Variants in PCDHA2 observed in about 807,000 individuals in gnomAD.
PCDHA2 encodes protocadherin alpha 2.
Under a neutral mutation model 66.0 loss-of-function variants are expected in PCDHA2, and 58 were observed. That is an observed-to-expected ratio of 0.88 (90% CI 0.71 to 1.09). The LOEUF is 1.09. Ranked by LOEUF, PCDHA2 falls within the 50% of genes least tolerant of loss-of-function variation. PCDHA2 has a pLI of 0.00. For missense variants in PCDHA2, 1,267 were observed against 1,242.3 expected (o/e 1.02, Z -0.30); for synonymous variants, 634 against 554.0 (o/e 1.14, Z -2.03).
At chr5:140,797,575 C>T in intron 1 of PCDHA2, 1 of 638,884 alleles carries the variant, frequency 1.6e-6, no homozygotes. Context: ...GCACTTCCAT[C>T]ATTAAGTCAT....
intron 1 of PCDHA2, among the ~76,000 whole-genome samples, chr5:140,892,561 A>G (rs766284976): frequency 1.3e-5 from 2 of 152,156 alleles, no homozygotes; most frequent in Non-Finnish European, 2.9e-5. Context: ...GTCCTTGGAG[A>G]CTGTCAAAAG....
At chr5:140,863,452 G>A in intron 1 of PCDHA2, 4 of 561,032 alleles carry the variant, frequency 7.1e-6, no homozygotes, top group South Asian at 2.9e-5. Flanking sequence ...TCGCAGCAAA[G>A]GAGATTTTAC....
At chr5:140,983,062 G>A (rs575564004) in intron 3 of PCDHA2, among the ~76,000 whole-genome samples, 2 of 152,168 alleles carry the variant, frequency 1.3e-5, no homozygotes, top group South Asian at 4.2e-4. Context: ...TCGGAACCAA[G>A]GCATTGTTTT....
intron 1 of PCDHA2, chr5:140,966,616 G>A: frequency 1.3e-6 from 1 of 788,372 alleles, no homozygotes; most frequent in South Asian, 2.7e-5. Context: ...AGGGCCTACG[G>A]AGGGAGCGGC....
chr5:140,861,587 G>C, intron 1 of PCDHA2: 1 of 374,992 alleles, frequency 2.7e-6, no homozygotes, highest in South Asian at 2.4e-5. Flanking sequence ...TCCATGTGGA[G>C]GTGAAAGTGA....
intron 1 of PCDHA2, among the ~76,000 whole-genome samples, chr5:140,844,486 G>T (rs1279388855): frequency 6.7e-6 from 1 of 148,992 alleles, no homozygotes; most frequent in Non-Finnish European, 1.5e-5. Context: ...CTATGTTTAG[G>T]AAATGATTAC....
intron 1 of PCDHA2, chr5:140,869,738 T>C (rs1454972321): frequency 1.2e-6 from 2 of 1,613,348 alleles, no homozygotes; most frequent in Non-Finnish European, 8.5e-7. Flanking sequence ...AATTTGCTGC[T>C]AACAGCTACA....
intron 1 of PCDHA2, chr5:140,842,742 T>C: frequency 6.3e-7 from 1 of 1,594,970 alleles, no homozygotes; most frequent in Non-Finnish European, 8.6e-7. Context: ...GGCTGCCACA[T>C]CTTCACGGTG....
At chr5:140,828,544 G>A (rs144353163) in intron 1 of PCDHA2, 952 of 1,614,096 alleles carry the variant, frequency 5.9e-4, no homozygotes, top group Non-Finnish European at 7.8e-4. Flanking sequence ...CAGATTCTGT[G>A]TTTCCACTGG....
chr5:140,961,648 G>A (rs367674015), intron 1 of PCDHA2, among the ~76,000 whole-genome samples: 1 of 152,156 alleles, frequency 6.6e-6, no homozygotes, highest in African/African-American at 2.4e-5. Flanking sequence ...AGTCTATGTG[G>A]TTAGTTTGAA....
intron 1 of PCDHA2, among the ~76,000 whole-genome samples, chr5:140,914,897 TTG>T (rs1415652208): frequency 6.6e-6 from 1 of 151,972 alleles, no homozygotes; most frequent in East Asian, 1.9e-4. Context: ...GCTTTTAACT[TTG>T]TGTTGTTTCT....
intron 1 of PCDHA2, chr5:140,875,821 T>C: frequency 6.2e-7 from 1 of 1,614,192 alleles, no homozygotes; most frequent in Non-Finnish European, 8.5e-7. Context: ...GCTGCAGGTT[T>C]TCCATGTGGA....
intron 3 of PCDHA2, among the ~76,000 whole-genome samples, chr5:140,995,291 G>A (rs958346050): frequency 1.4e-4 from 22 of 152,086 alleles, no homozygotes; most frequent in African/African-American, 4.6e-4. Flanking sequence ...ACAGCCAGTC[G>A]GATACCAAGA....
At position 141,010,262 on chromosome 5, in the gene PCDHA2, C is replaced by A; in HGVS notation, c.*325C>A. 4 of 1,551,728 alleles carry A rather than the reference C, an allele frequency of 2.6e-6. No homozygotes were observed. Among genetic ancestry groups the A allele is most frequent in the Non-Finnish European group, 3.5e-6 (4 of 1,146,994 alleles). On this transcript the variant is annotated 3_prime_UTR_variant, in exon 4 of 4. Transcript: ENST00000526136. ...GAGGTTGGACTCTCTGCCCTGTGCT[C>A]CGGGGATCCTGTCTTGATGACACTT...
At chr5:140,817,849 A>G (rs2150099349) in intron 1 of PCDHA2, among the ~76,000 whole-genome samples, 3 of 152,150 alleles carry the variant, frequency 2.0e-5, no homozygotes, top group Admixed American at 2.0e-4. Context: ...ATCACTTTTG[A>G]GAAACAGTTT....
At chr5:140,890,112 T>C (rs2062493777) in intron 1 of PCDHA2, among the ~76,000 whole-genome samples, 1 of 152,184 alleles carries the variant, frequency 6.6e-6, no homozygotes, top group Non-Finnish European at 1.5e-5. Flanking sequence ...CTGGATTCAA[T>C]GATGTCACTT....
rs1159995588 is a variant in PCDHA2, at chr5:140,947,341, A to G, written c.2389-31608A>G. ...GGTTGACCATAAATGTGTGGGCTTA[A>G]TTCTGGACTCTATTTCACTCCTTTG... is the stretch of plus-strand genomic sequence containing the variant. On this transcript the variant is annotated intron_variant, in intron 1 of 3. Transcript: ENST00000526136. Among the ~76,000 whole-genome samples the G allele has an allele frequency of 2.6e-5, 4 of 151,804 alleles. No individual in the cohort carries two copies. The South Asian group carries it at 6.2e-4, about 24-fold the overall frequency.
At chr5:140,827,274 G>A (rs1444530469) in intron 1 of PCDHA2, among the ~76,000 whole-genome samples, 2 of 152,192 alleles carry the variant, frequency 1.3e-5, no homozygotes, top group Admixed American at 6.5e-5. Context: ...TTTAGGAACA[G>A]CTGAAGAATC....
Position 140,850,277 on chromosome 5 carries a change from G to T in PCDHA2, c.2388+52925G>T, listed in dbSNP as rs1554144125. On this transcript the variant is annotated intron_variant, in intron 1 of 3. Coordinates refer to ENST00000526136, the MANE Select transcript of PCDHA2 (RefSeq NM_018905.3). ...GCGCCGGCGTAGTGGTGGGGAAGGT[G>T]CGCGCAGTGGACGCCGACTCGGGCT... is the stretch of plus-strand genomic sequence containing the variant. 2.5e-6 allele frequency: 4 copies of T among 1,595,522 alleles called. No homozygotes were observed. In the East Asian group the frequency reaches 8.9e-5, roughly 36 times the overall value.
Sources: gnomAD v4.1 joint callset for allele counts (sites outside exome capture counted in the v4.1 genomes callset) on GRCh38, gnomAD v4.1.1 for gene constraint, MANE v1.5 for transcripts, NCBI Gene and HGNC (gene_info 2026-07-23, HGNC 2026-07-21) for gene names.